FBXW7: variants seen among roughly 807,000 people sequenced by gnomAD.
FBXW7 encodes the protein F-box/WD repeat-containing protein 7.
Under a neutral mutation model 86.3 loss-of-function variants are expected in FBXW7, and 11 were observed. The ratio of observed to expected loss-of-function variants is 0.13; its 90% CI spans 0.08 to 0.21. FBXW7 has a LOEUF of 0.21. FBXW7 is among the 10% of genes least tolerant of loss of function. The pLI is 1.00. For synonymous variants in FBXW7, 313 were observed against 297.9 expected (o/e 1.05, Z -0.52); for missense variants, 488 against 847.4 (o/e 0.58, Z 5.27).
chr4:152,375,120 A>C (rs1236115832), intron 4 of FBXW7, among the ~76,000 whole-genome samples: 1 of 152,050 alleles, frequency 6.6e-6, no homozygotes, highest in Non-Finnish European at 1.5e-5. Context: ...ATTGGGGCTA[A>C]ATGACAAAGC....
chr4:152,522,738 G>A (rs553792613), intron 2 of FBXW7, among the ~76,000 whole-genome samples: 30 of 152,086 alleles, frequency 2.0e-4, no homozygotes, highest in Non-Finnish European at 3.8e-4. Flanking sequence ...GCACTGTTTC[G>A]AGCTTCTCAT....
At chr4:152,408,736 G>A (rs929341141) in intron 4 of FBXW7, among the ~76,000 whole-genome samples, 1 of 152,194 alleles carries the variant, frequency 6.6e-6, no homozygotes, top group South Asian at 2.1e-4. Flanking sequence ...ACCATAGGGG[G>A]CAGCATAGCA....
chr4:152,497,042 G>T (rs1429526211), intron 2 of FBXW7, among the ~76,000 whole-genome samples: 1 of 152,116 alleles, frequency 6.6e-6, no homozygotes, highest in African/African-American at 2.4e-5. Context: ...CGACACGAAG[G>T]CCGGGCACAA....
At chr4:152,516,694 C>T (rs886998549) in intron 2 of FBXW7, among the ~76,000 whole-genome samples, 5 of 152,120 alleles carry the variant, frequency 3.3e-5, no homozygotes, top group Admixed American at 6.5e-5. Context: ...GCAAGATAAG[C>T]GGTAATACTA....
chr4:152,362,224 G>T (rs901370992), intron 4 of FBXW7, among the ~76,000 whole-genome samples: 5 of 151,970 alleles, frequency 3.3e-5, no homozygotes, highest in Non-Finnish European at 5.9e-5. Flanking sequence ...CTGCTACATG[G>T]TAAATTGAGA....
Position 152,322,830 on chromosome 4 carries a change from G to A in FBXW7, c.*51C>T, listed in dbSNP as rs1292172160. The A allele has an allele frequency of 4.4e-6, 7 of 1,598,566 alleles. No homozygotes were observed. The African/African-American group carries it at 6.7e-5, about 15-fold the overall frequency. ...CTTTTTTTCTTTTTGCAGGGGGAAG[G>A]GCAGGGAGTATATCGTCTACACAAT... On this transcript the variant is annotated 3_prime_UTR_variant, in exon 14 of 14. Transcript: ENST00000281708.
chr4:152,323,336 T>C, intron 13 of FBXW7, 187 bp from the exon 14 acceptor site: 1 of 691,938 alleles, frequency 1.4e-6, no homozygotes, highest in East Asian at 2.8e-5. Flanking sequence ...TGGTAGTGAT[T>C]TGTAACTGAA....
chr4:152,349,982 CT>C, intron 5 of FBXW7, 59 bp downstream of exon 5: 4 of 943,086 alleles, frequency 4.2e-6, no homozygotes, highest in East Asian at 2.8e-5. Context: ...AACTAAAACA[CT>C]TTCAGAATCA....
intron 2 of FBXW7, among the ~76,000 whole-genome samples, chr4:152,472,581 CA>C (rs928741474): frequency 2.6e-5 from 4 of 151,046 alleles, no homozygotes; most frequent in Admixed American, 1.3e-4. Flanking sequence ...TATAAAAATT[CA>C]AAAAAAAGCC....
intron 2 of FBXW7, among the ~76,000 whole-genome samples, chr4:152,518,082 G>A (rs544219232): frequency 7.9e-5 from 12 of 152,086 alleles, no homozygotes; most frequent in South Asian, 2.1e-4. Flanking sequence ...TCCACCACCC[G>A]GGTTCAAGCA....
chr4:152,526,027 G>C (rs1431899761), intron 2 of FBXW7, among the ~76,000 whole-genome samples: 2 of 152,136 alleles, frequency 1.3e-5, no homozygotes, highest in Non-Finnish European at 2.9e-5. Flanking sequence ...TCTCATTGTG[G>C]TTTTGATTTG....
chr4:152,384,380 C>T lies in FBXW7; in HGVS notation c.501+26923G>A, dbSNP rs548967815. ...AAGGAAATTCTGACATATGCTACAA[C>T]ATGCATGAACCTTGAAGATACTATA... On this transcript the variant is annotated intron_variant, in intron 4 of 13. Transcript: ENST00000281708. Among the ~76,000 whole-genome samples the T allele has an allele frequency of 2.0e-5, 3 of 152,218 alleles. No individual in the cohort carries two copies. In the South Asian group the frequency reaches 6.2e-4, roughly 32 times the overall value.
chr4:152,426,661 G>A (rs946507328), intron 2 of FBXW7, among the ~76,000 whole-genome samples: 4 of 152,118 alleles, frequency 2.6e-5, no homozygotes, highest in Admixed American at 1.3e-4. Flanking sequence ...CCAAATAACC[G>A]GCCGCCCAGC....
At chr4:152,352,731 A>G (rs2126664693) in intron 4 of FBXW7, 1 of 1,613,330 alleles carries the variant, frequency 6.2e-7, no homozygotes, top group Non-Finnish European at 8.5e-7. Flanking sequence ...GGACACACAT[A>G]CATACATGCA....
chr4:152,377,926 C>T (rs758360136), intron 4 of FBXW7, among the ~76,000 whole-genome samples: 11 of 152,064 alleles, frequency 7.2e-5, no homozygotes, highest in Admixed American at 1.3e-4. Context: ...AAGCAAAAAG[C>T]TATATGCAAA....
At position 152,496,216 on chromosome 4, in the gene FBXW7, T is replaced by C. The variant is rs115881715; in HGVS notation, c.-120+38725A>G. Among the ~76,000 whole-genome samples the C allele has an allele frequency of 6.4e-3, 967 of 152,206 alleles. 11 individuals are homozygous for C. Among genetic ancestry groups the C allele is most frequent in the African/African-American group, 0.022 (912 of 41,522 alleles). On this transcript the variant is annotated intron_variant, in intron 2 of 13. Transcript: ENST00000281708. ...AAAAACAACTAAGAATTCAGCAAGATTGAGAGATACAAAATCAAGATACAA... is the reference window on the plus strand; with the variant it reads ...AAAAACAACTAAGAATTCAGCAAGACTGAGAGATACAAAATCAAGATACAA...
chr4:152,389,099 T>C (rs1323554672), intron 4 of FBXW7, among the ~76,000 whole-genome samples: 2 of 151,858 alleles, frequency 1.3e-5, no homozygotes, highest in African/African-American at 2.4e-5. Context: ...TCTCACACCA[T>C]TCAGAATGGC....
In FBXW7 at chr4:152,484,186, T is replaced by C. The variant is rs183470458; in HGVS notation, c.-120+50755A>G. On this transcript the variant is annotated intron_variant, in intron 2 of 13. Coordinates refer to ENST00000281708, the MANE Select transcript of FBXW7 (RefSeq NM_001349798.2). ...TTTTAAAATTTATTACTACTTATTT[T>C]ATGGTTTTACAGCCTTATGATTGGG... Among the ~76,000 whole-genome samples the C allele has an allele frequency of 5.2e-3, 795 of 152,294 alleles. 29 individuals carry two copies. The highest frequency in any genetic ancestry group is 0.045 in the Admixed American group (694 of 15,290).
At chr4:152,514,022 A>T (rs1488802177) in intron 2 of FBXW7, among the ~76,000 whole-genome samples, 1 of 152,258 alleles carries the variant, frequency 6.6e-6, no homozygotes, top group African/African-American at 2.4e-5. Flanking sequence ...TTAAATATCA[A>T]AGTCTTCATG....
Sources: gnomAD v4.1 joint callset for allele counts (sites outside exome capture counted in the v4.1 genomes callset) on GRCh38, gnomAD v4.1.1 for gene constraint, MANE v1.5 for transcripts, NCBI Gene and HGNC (gene_info 2026-07-23, HGNC 2026-07-21) for gene names.